Variants in PLA2G4E observed in about 807,000 individuals in gnomAD.
The protein encoded by PLA2G4E is phospholipase A2 group IVE.
PLA2G4E carries 84 observed loss-of-function variants against 109.1 expected under a neutral mutation model. The observed-to-expected ratio is 0.77, with a 90% CI of 0.65 to 0.92. The LOEUF (loss-of-function observed/expected upper bound fraction) is 0.92, where lower values mean the gene tolerates loss of function less well. PLA2G4E is among the 40% of genes least tolerant of loss of function. PLA2G4E has a pLI of 0.00. For missense variants in PLA2G4E, 1,057 were observed against 1,076.6 expected, an observed-to-expected ratio of 0.98 and a Z score of 0.25; for synonymous variants, 469 against 436.1, an observed-to-expected ratio of 1.08 and a Z score of -0.94.
chr15:41,983,655 G>T (rs559445373), exon 20 of PLA2G4E: 1 of 1,117,728 alleles, frequency 8.9e-7, no homozygotes. Context: ...ACCCATTGCC[G>T]GAGAGCAGAG....
chr15:42,007,801 T>C, exon 3 of PLA2G4E: 2 of 1,611,812 alleles, frequency 1.2e-6, no homozygotes. Context: ...AGATGGTCCT[T>C]GTCCTCAGCT....
At chr15:42,005,014 C>G (rs139214821) in intron 4 of PLA2G4E, 36 bp from the exon 5 acceptor site, 1 of 1,608,474 alleles carries the variant, frequency 6.2e-7, no homozygotes, top group Admixed American at 1.7e-5. Context: ...CTGTGAGTGG[C>G]GTCTGCACAT....
At chr15:42,018,268 T>G (rs952282941) in intron 1 of PLA2G4E, among the ~76,000 whole-genome samples, 1 of 152,242 alleles carries the variant, frequency 6.6e-6, no homozygotes, top group Non-Finnish European at 1.5e-5. Flanking sequence ...ACCGTGTCTC[T>G]GATGTGCGTG....
chr15:42,033,921 T>G (rs780002522), intron 1 of PLA2G4E, among the ~76,000 whole-genome samples: 3 of 152,102 alleles, frequency 2.0e-5, no homozygotes, highest in Non-Finnish European at 2.9e-5. Context: ...AACTGCTATT[T>G]CCCTCTGTGC....
chr15:42,025,493 C>G (rs943526346), intron 1 of PLA2G4E, among the ~76,000 whole-genome samples: 2 of 152,080 alleles, frequency 1.3e-5, no homozygotes, highest in Admixed American at 6.6e-5. Context: ...TACCTCCCCC[C>G]ACCCCCCACT....
chr15:42,019,761 T>A (rs1350558322), intron 1 of PLA2G4E, among the ~76,000 whole-genome samples: 6 of 152,300 alleles, frequency 3.9e-5, no homozygotes, highest in Admixed American at 3.9e-4. Context: ...GGAGCTACCA[T>A]GGCTGTTTTC....
intron 1 of PLA2G4E, among the ~76,000 whole-genome samples, chr15:42,032,135 C>T (rs1384162039): frequency 9.2e-5 from 14 of 152,194 alleles, no homozygotes; most frequent in Admixed American, 9.2e-4. Flanking sequence ...GTAAAAGCTT[C>T]CTGAGGGCTC....
At chr15:41,995,613 G>T in intron 11 of PLA2G4E, 117 bp from the exon 12 acceptor site, 1 of 1,382,364 alleles carries the variant, frequency 7.2e-7, no homozygotes, top group Non-Finnish European at 9.9e-7. Flanking sequence ...GGCTACAGAG[G>T]GCAGGGAGTG....
intron 1 of PLA2G4E, among the ~76,000 whole-genome samples, chr15:42,048,580 T>C (rs1343776899): frequency 6.6e-6 from 1 of 152,198 alleles, no homozygotes; most frequent in Admixed American, 6.5e-5. Flanking sequence ...ATATGTGCAC[T>C]GTGACAGGCA....
chr15:41,989,693 A>G (rs2068211183), intron 14 of PLA2G4E, 141 bp from the exon 15 acceptor site: 1 of 1,169,632 alleles, frequency 8.5e-7, no homozygotes, highest in Non-Finnish European at 1.2e-6. Flanking sequence ...CAAAGGACAC[A>G]TGGGGGCACC....
chr15:42,028,362 TTTTA>T (rs1439385154), intron 1 of PLA2G4E, among the ~76,000 whole-genome samples: 1 of 151,792 alleles, frequency 6.6e-6, no homozygotes, highest in Admixed American at 6.6e-5. Context: ...TGTACTGCGT[TTTTA>T]TTTTATTTAT....
chr15:41,990,048 G>T, intron 14 of PLA2G4E, 73 bp downstream of exon 14: 1 of 1,133,380 alleles, frequency 8.8e-7, no homozygotes, highest in South Asian at 1.3e-5. Flanking sequence ...GGACCTGGAG[G>T]TGCTGGGTGC....
At chr15:42,043,290 C>T (rs140277282) in intron 1 of PLA2G4E, among the ~76,000 whole-genome samples, 205 of 152,172 alleles carry the variant, frequency 1.3e-3, no homozygotes, top group Middle Eastern at 0.01. Context: ...GTGGCTCTGA[C>T]GGTGGGAACT....
chr15:42,033,922 C>T (rs1889160901), intron 1 of PLA2G4E, among the ~76,000 whole-genome samples: 1 of 152,142 alleles, frequency 6.6e-6, no homozygotes, highest in Non-Finnish European at 1.5e-5. Context: ...ACTGCTATTT[C>T]CCTCTGTGCA....
At chr15:42,028,367 TTTTATTTATTTATTTACTTATTTATTTA>T (rs1008577799) in intron 1 of PLA2G4E, among the ~76,000 whole-genome samples, 1 of 118,754 alleles carries the variant, frequency 8.4e-6, no homozygotes, top group Non-Finnish European at 1.8e-5. Context: ...TGCGTTTTTA[TTTTATTTATTTATTTACTTATTTATTTA>T]TTTATTTATT....
At chr15:41,983,660 G>T in exon 20 of PLA2G4E, 3 of 1,156,428 alleles carry the variant, frequency 2.6e-6, no homozygotes, top group Non-Finnish European at 3.7e-6. Context: ...TTGCCGGAGA[G>T]CAGAGCTGGC....
At chr15:42,044,107 C>G (rs1889367234) in intron 1 of PLA2G4E, among the ~76,000 whole-genome samples, 1 of 152,172 alleles carries the variant, frequency 6.6e-6, no homozygotes, top group Non-Finnish European at 1.5e-5. Flanking sequence ...TTCCGAGTAT[C>G]AAAATCAACA....
chr15:41,990,047 G>C (rs1379395534), intron 14 of PLA2G4E, 74 bp downstream of exon 14: 1 of 1,117,612 alleles, frequency 8.9e-7, no homozygotes, highest in African/African-American at 1.5e-5. Context: ...GGGACCTGGA[G>C]GTGCTGGGTG....
chr15:41,993,299 TC>T (rs2068282188), intron 12 of PLA2G4E, among the ~76,000 whole-genome samples: 1 of 152,182 alleles, frequency 6.6e-6, no homozygotes, highest in South Asian at 2.1e-4. Context: ...TAATCACCGT[TC>T]CCTTCAGTTT....
Sources: gnomAD v4.1 joint callset for allele counts (sites outside exome capture counted in the v4.1 genomes callset) on GRCh38, gnomAD v4.1.1 for gene constraint, MANE v1.5 for transcripts, NCBI Gene and HGNC (gene_info 2026-07-23, HGNC 2026-07-21) for gene names.